Variants in CYB5R3 observed in about 807,000 individuals in gnomAD.
CYB5R3 encodes the protein NADH-cytochrome b5 reductase 3.
In CYB5R3, 28 loss-of-function variants were observed where a neutral mutation model predicts 36.5. The ratio of observed to expected loss-of-function variants is 0.77; its 90% CI spans 0.57 to 1.05. CYB5R3 has a LOEUF of 1.05. Among genes scored for constraint, CYB5R3 ranks in the 50% least tolerant of loss-of-function variants. The pLI, the probability that CYB5R3 is intolerant of heterozygous loss-of-function variation, is 0.00. For synonymous variants in CYB5R3, 181 were observed against 159.8 expected (o/e 1.13, Z -1.00); for missense variants, 474 against 408.9 (o/e 1.16, Z -1.37).
intron 2 of CYB5R3, among the ~76,000 whole-genome samples, chr22:42,634,456 ATTTTTTT>A (rs1418025881): frequency 4.6e-5 from 7 of 151,708 alleles, no homozygotes; most frequent in Non-Finnish European, 1.0e-4. Context: ...TTTATTTTTT[ATTTTTTT>A]GAAACAGAGT....
At chr22:42,624,557 C>A (rs1408504560) in intron 7 of CYB5R3, among the ~76,000 whole-genome samples, 5 of 149,362 alleles carry the variant, frequency 3.3e-5, no homozygotes, top group African/African-American at 1.2e-4. Flanking sequence ...CCTCCAGGGG[C>A]TATCAGGGAT....
chr22:42,642,590 C>G (rs1392354675), intron 1 of CYB5R3, among the ~76,000 whole-genome samples: 1 of 152,186 alleles, frequency 6.6e-6, no homozygotes, highest in Non-Finnish European at 1.5e-5. Flanking sequence ...AGGCGTTCGC[C>G]ACCAAGCCCA....
rs768151496 is a variant in CYB5R3 at position 42,636,698 on chromosome 22, C to T, written c.153+17G>A. 53 of 1,608,140 alleles carry T rather than the reference C, an allele frequency of 3.3e-5. No homozygotes were observed. The highest frequency in any genetic ancestry group is 4.0e-5 in the Non-Finnish European group (47 of 1,179,370). ...TGCTGTGATGCTGACGAGGCAGCGG[C>T]GGCGGCCGGCACTCACCTCCCGGTC... is the stretch of plus-strand genomic sequence containing the variant. On this transcript the variant is annotated intron_variant, in intron 2 of 8. Coordinates refer to ENST00000352397, the MANE Select transcript of CYB5R3 (RefSeq NM_000398.7).
Position 42,639,697 on chromosome 22 carries a change from A to G in CYB5R3, c.22-2851T>C. ...GTTGTACCAATGTTACTTTCCTGTA[A>G]TTATTCTGTGGTTACGCAAAGGAAT... On this transcript the variant is annotated intron_variant, in intron 1 of 8. Transcript: ENST00000352397. 5.0e-6 allele frequency: 2 copies of G among 402,128 alleles called. 1 individual carries two copies. Among genetic ancestry groups the G allele is most frequent in the Non-Finnish European group, 9.0e-6 (2 of 221,322 alleles). The allele number at this position is 402,128 out of a possible 1,614,324, so 24.9% of individuals were successfully genotyped here.
At position 42,647,344 on chromosome 22, in the gene CYB5R3, G is replaced by C. The variant is rs966984157; in HGVS notation, c.21+1951C>G. Among the ~76,000 whole-genome samples, 6 of 152,318 alleles carry C rather than the reference G, an allele frequency of 3.9e-5. No individual in the cohort carries two copies. The East Asian group carries it at 1.2e-3, about 29-fold the overall frequency. ...AATATATGGAATGAGGCCAAGAACG[G>C]CGTTCACACCTGTAATCCCAGCACT... is the stretch of plus-strand genomic sequence containing the variant. On this transcript the variant is annotated intron_variant, in intron 1 of 8. Transcript: ENST00000352397.
chr22:42,624,484 G>A (rs1472825180), intron 7 of CYB5R3, among the ~76,000 whole-genome samples: 2 of 13,292 alleles, frequency 1.5e-4, no homozygotes, highest in African/African-American at 6.5e-4. Context: ...ACCCCCACCC[G>A]GCTGTCACAG....
chr22:42,631,331 C>T (rs1208048112), intron 3 of CYB5R3, 47 bp downstream of exon 3: 1 of 1,518,148 alleles, frequency 6.6e-7, no homozygotes, highest in South Asian at 1.2e-5. Flanking sequence ...TCTAGTGCCC[C>T]AGCAGCCTGC....
intron 8 of CYB5R3, among the ~76,000 whole-genome samples, chr22:42,620,583 C>A (rs968516726): frequency 6.6e-6 from 1 of 152,142 alleles, no homozygotes; most frequent in African/African-American, 2.4e-5. Context: ...ACCCCACAGC[C>A]CTCAACACCA....
chr22:42,627,589 G>T lies in CYB5R3; in HGVS notation c.547+16C>A, dbSNP rs749032745. 1 of 1,609,472 alleles carries T rather than the reference G, an allele frequency of 6.2e-7. No individual in the cohort carries two copies. The highest frequency in any genetic ancestry group is 8.5e-7 in the Non-Finnish European group (1 of 1,175,776). On this transcript the variant is annotated intron_variant, in intron 6 of 8. Coordinates refer to ENST00000352397, the MANE Select transcript of CYB5R3 (RefSeq NM_000398.7). ...AACATGAGCCGCCGGACGCCTCAGT[G>T]GGGGGTTCCGTGTACCTGTCCCTCC...
intron 1 of CYB5R3, among the ~76,000 whole-genome samples, chr22:42,637,273 TC>T (rs1387990956): frequency 6.6e-6 from 1 of 152,206 alleles, no homozygotes; most frequent in Non-Finnish European, 1.5e-5. Context: ...GATGTCAAGT[TC>T]TAGCTTGATT....
chr22:42,618,341 T>G lies in CYB5R3; in HGVS notation c.*1432A>C, dbSNP rs557582318. The G allele has an allele frequency of 2.7e-3, 406 of 150,382 alleles. 5 individuals carry two copies. The highest frequency in any genetic ancestry group is 9.4e-3 in the African/African-American group (379 of 40,186). The allele number at this position is 150,382 out of a possible 1,614,324, so 9.3% of individuals were successfully genotyped here. On this transcript the variant is annotated 3_prime_UTR_variant, in exon 9 of 9. Coordinates refer to ENST00000352397, the MANE Select transcript of CYB5R3 (RefSeq NM_000398.7). ...TCACGAGGTCAGGAGATCGAGACCATCCCGGCTAAAACGGTGAAACCCCGT... is the reference window on the plus strand; with the variant it reads ...TCACGAGGTCAGGAGATCGAGACCAGCCCGGCTAAAACGGTGAAACCCCGT...
chr22:42,620,862 T>C (rs955904586), intron 8 of CYB5R3, among the ~76,000 whole-genome samples: 2 of 152,246 alleles, frequency 1.3e-5, no homozygotes, highest in Non-Finnish European at 2.9e-5. Flanking sequence ...GTGATACGTG[T>C]GGCCCATTCA....
chr22:42,633,043 T>C (rs1928700660), intron 2 of CYB5R3: 1 of 152,060 alleles, frequency 6.6e-6, no homozygotes, highest in Admixed American at 6.6e-5. Flanking sequence ...AGAATAGAAA[T>C]GAGGACAAGA....
Position 42,619,649 on chromosome 22 carries a change from A to AC in CYB5R3, c.*123dup. On this transcript the variant is annotated 3_prime_UTR_variant, in exon 9 of 9. Transcript: ENST00000352397. ...GGGGAACTGCTCAGCCAGGTGATTC[A>AC]CCAGGGCACGGGCAGGCCAGGCTGA... The AC allele has an allele frequency of 1.1e-6, 1 of 924,046 alleles. No homozygotes were observed. The highest frequency in any genetic ancestry group is 1.6e-6 in the Non-Finnish European group (1 of 615,976). 57.2% of individuals were successfully genotyped at this position (924,046 alleles called of 1,614,324 possible).
chr22:42,637,645 C>T (rs1269923658), intron 1 of CYB5R3, among the ~76,000 whole-genome samples: 1 of 152,150 alleles, frequency 6.6e-6, no homozygotes, highest in Non-Finnish European at 1.5e-5. Flanking sequence ...AGCTGAGACC[C>T]TACAGCTCAG....
rs189338067 is a variant in CYB5R3, at chr22:42,635,485, C to T, written c.153+1230G>A. 4.9e-3 allele frequency among the ~76,000 whole-genome samples: 749 copies of T among 152,294 alleles called. 7 individuals carry two copies. The highest frequency in any genetic ancestry group is 0.017 in the African/African-American group (716 of 41,568). On this transcript the variant is annotated intron_variant, in intron 2 of 8. Coordinates refer to ENST00000352397, the MANE Select transcript of CYB5R3 (RefSeq NM_000398.7). ...GAACTCCTGACCTCAGGTGATCCAC[C>T]GGCCTCGGCCTCCCAAAGTGCTGGG...
intron 2 of CYB5R3, among the ~76,000 whole-genome samples, chr22:42,634,695 G>C (rs1410416057): frequency 7.0e-6 from 1 of 142,730 alleles, no homozygotes. Flanking sequence ...GCACGATCTC[G>C]GCTCACTGCA....
chr22:42,628,956 G>A (rs968749122), intron 4 of CYB5R3, among the ~76,000 whole-genome samples: 4 of 152,100 alleles, frequency 2.6e-5, no homozygotes, highest in East Asian at 1.9e-4. Flanking sequence ...GGAGGCAGAG[G>A]GGAGTGGAGG....
At position 42,644,289 on chromosome 22, in the gene CYB5R3, G is replaced by C. The variant is rs1164493222; in HGVS notation, c.21+5006C>G. ...TGAGCACCTGCCCCCAGCCCCGGGGGTCCGAACCAACAGGCGGCTCCACCC... is the reference window on the plus strand; with the variant it reads ...TGAGCACCTGCCCCCAGCCCCGGGGCTCCGAACCAACAGGCGGCTCCACCC... On this transcript the variant is annotated intron_variant, in intron 1 of 8. Coordinates refer to ENST00000352397, the MANE Select transcript of CYB5R3 (RefSeq NM_000398.7). 8 of 664,630 alleles carry C rather than the reference G, an allele frequency of 1.2e-5. No homozygotes were observed. In the South Asian group the frequency reaches 1.3e-4, roughly 11 times the overall value. The allele number at this position is 664,630 out of a possible 1,614,324, so 41.2% of individuals were successfully genotyped here.
Sources: allele counts gnomAD v4.1 joint callset (sites outside exome capture counted in the v4.1 genomes callset), GRCh38; gene constraint gnomAD v4.1.1; transcripts MANE v1.5; gene names NCBI Gene and HGNC (gene_info 2026-07-23, HGNC 2026-07-21).